The following ARFGEF3 variants were observed in gnomAD, a reference collection of about 807,000 sequenced individuals.
The protein encoded by ARFGEF3 is brefeldin A-inhibited guanine nucleotide-exchange protein 3.
In ARFGEF3, 96 loss-of-function variants were observed where a neutral mutation model predicts 221.7. That is an observed-to-expected ratio of 0.43 (90% confidence interval 0.37 to 0.51). The LOEUF (loss-of-function observed/expected upper bound fraction) is 0.51, where lower values mean the gene tolerates loss of function less well. Ranked by LOEUF, ARFGEF3 falls within the 20% of genes least tolerant of loss-of-function variation. The probability of loss-of-function intolerance (pLI) is 0.00; values close to 1 mark genes in which losing one functional copy is unlikely to be tolerated. For missense variants in ARFGEF3, 2,410 were observed against 2,789.9 expected (o/e 0.86, Z 3.07); for synonymous variants, 1,145 against 1,126.8 (o/e 1.02, Z -0.32).
chr6:138,322,317 C>T (rs1228306866), intron 29 of ARFGEF3, among the ~76,000 whole-genome samples: 3 of 152,156 alleles, frequency 2.0e-5, no homozygotes, highest in African/African-American at 7.2e-5. Context: ...TCATTATAAC[C>T]ATCAGATCTC....
intron 3 of ARFGEF3, among the ~76,000 whole-genome samples, chr6:138,207,539 A>G (rs1777646537): frequency 6.6e-6 from 1 of 152,148 alleles, no homozygotes; most frequent in Non-Finnish European, 1.5e-5. Context: ...TTTTTATTCC[A>G]CGGTTAGATT....
chr6:138,287,232 GCA>G (rs763270721), intron 17 of ARFGEF3, 48 bp downstream of exon 17: 1 of 1,359,688 alleles, frequency 7.4e-7, no homozygotes, highest in South Asian at 1.2e-5. Flanking sequence ...GGTGCAGTAT[GCA>G]CACACCTGCA....
intron 8 of ARFGEF3, among the ~76,000 whole-genome samples, chr6:138,253,326 AT>A (rs1778612743): frequency 6.6e-6 from 1 of 151,684 alleles, no homozygotes; most frequent in African/African-American, 2.4e-5. Context: ...AAAAAAAAAA[AT>A]CACCCCAACT....
rs904108472 is a variant in ARFGEF3 at position 138,292,060 on chromosome 6, G to A, written c.3368+7G>A. The A allele has an allele frequency of 5.9e-5, 83 of 1,411,392 alleles. No individual in the cohort carries two copies. The highest frequency in any genetic ancestry group is 1.5e-4 in the Admixed American group (5 of 34,360). 87.4% of individuals were successfully genotyped at this position (1,411,392 alleles called of 1,614,324 possible). On this transcript the variant is annotated splice_region_variant and intron_variant, in intron 19 of 33. Transcript: ENST00000251691. ...TCTCCACGCAAGCCGACAGGTGCGC[G>A]GCGCCGGCCTCCCACGCCCCGGGAG...
chr6:138,307,543 A>C, intron 23 of ARFGEF3, 146 bp downstream of exon 23: 1 of 762,386 alleles, frequency 1.3e-6, no homozygotes, highest in South Asian at 1.8e-5. Flanking sequence ...TAGCAGGAAC[A>C]TGAGTCCTGA....
At chr6:138,181,391 AT>A (rs1777077034) in intron 2 of ARFGEF3, among the ~76,000 whole-genome samples, 1 of 152,188 alleles carries the variant, frequency 6.6e-6, no homozygotes, top group Non-Finnish European at 1.5e-5. Flanking sequence ...ACTGAAAAAA[AT>A]AACAATCCAA....
At position 138,317,357 on chromosome 6, in the gene ARFGEF3, G is replaced by A. The variant is rs377036338; in HGVS notation, c.4452G>A (p.Leu1484=). Residue 1484 remains leucine (L), a synonymous_variant, in exon 27 of 34, where the codon TTG becomes TTA. Transcript: ENST00000251691. ...CTCTGGATTTACTCTTTGAGCTGTT[G>A]AGAGATGTGACGAAAACACCAGGTA... ...PPTLDLLFEL[L]RDVTKTPGPG... The A allele has an allele frequency of 3.5e-5, 56 of 1,613,992 alleles. No homozygotes were observed. The African/African-American group carries it at 6.1e-4, about 18-fold the overall frequency.
At chr6:138,278,711 C>T (rs561106587) in intron 13 of ARFGEF3, 94 bp downstream of exon 13, 30 of 1,375,540 alleles carry the variant, frequency 2.2e-5, no homozygotes, top group African/African-American at 4.3e-5. Context: ...GATGGCACAG[C>T]GTGTTTTGTT....
intron 14 of ARFGEF3, 81 bp downstream of exon 14, chr6:138,280,245 T>C (rs1779175063): frequency 1.4e-6 from 2 of 1,406,322 alleles, no homozygotes; most frequent in Admixed American, 4.1e-5. Context: ...AGAGAAGTGT[T>C]GGTGCTTGGA....
At chr6:138,227,823 T>A (rs895008844) in intron 4 of ARFGEF3, among the ~76,000 whole-genome samples, 16 of 152,150 alleles carry the variant, frequency 1.1e-4, no homozygotes, top group Admixed American at 2.0e-4. Flanking sequence ...GATGTGATAC[T>A]GAGTACTTTA....
chr6:138,303,719 T>A (rs1478255627), intron 22 of ARFGEF3, among the ~76,000 whole-genome samples: 1 of 151,698 alleles, frequency 6.6e-6, no homozygotes, highest in African/African-American at 2.4e-5. Flanking sequence ...GGAGAATCAC[T>A]TGAACCCAGG....
In ARFGEF3 at chr6:138,263,413, C is replaced by T. The variant is rs758460913; in HGVS notation, c.1930C>T (p.Pro644Ser). 9 of 1,614,004 alleles carry T rather than the reference C, an allele frequency of 5.6e-6. No individual in the cohort carries two copies. The East Asian group carries it at 2.0e-4, about 36-fold the overall frequency. Residue 644 changes from proline (P) to serine (S), a missense_variant, in exon 12 of 34, where the codon CCC (proline) becomes TCC (serine). Transcript: ENST00000251691. ...TTCACTAGCCGATGAAGAGCAGACACCCCGGGACTGCCTAGGCCACCGGTC... is the reference window on the plus strand; with the variant it reads ...TTCACTAGCCGATGAAGAGCAGACATCCCGGGACTGCCTAGGCCACCGGTC... Reference protein sequence around the residue: ...NCSLADEEQTPRDCLGHRSLR... With the variant: ...NCSLADEEQTSRDCLGHRSLR...
intron 12 of ARFGEF3, among the ~76,000 whole-genome samples, chr6:138,276,875 A>G (rs567888797): frequency 3.4e-4 from 52 of 152,212 alleles, no homozygotes; most frequent in Non-Finnish European, 6.2e-4. Flanking sequence ...CCTCTTGGGC[A>G]GGATGGTCTG....
chr6:138,312,953 G>T (rs1344251055), intron 25 of ARFGEF3, among the ~76,000 whole-genome samples: 1 of 152,072 alleles, frequency 6.6e-6, no homozygotes, highest in Non-Finnish European at 1.5e-5. Flanking sequence ...CAAGTGATCC[G>T]CCAGCCTCGG....
rs745564680 is a variant in ARFGEF3, at chr6:138,307,233, A to T, written c.3829-20A>T. 3 of 1,610,866 alleles carry T rather than the reference A, an allele frequency of 1.9e-6. No individual in the cohort carries two copies. In the South Asian group the frequency reaches 3.3e-5, roughly 18 times the overall value. ...TTTTAAGGAGAGGGCTTTAAGTGCC[A>T]CTTGCTTTGCCTCTACCAGGTTGTC... On this transcript the variant is annotated intron_variant, in intron 22 of 33. Transcript: ENST00000251691.
chr6:138,230,139 G>C (rs6925967), intron 5 of ARFGEF3, among the ~76,000 whole-genome samples: 2 of 152,084 alleles, frequency 1.3e-5, no homozygotes, highest in Non-Finnish European at 2.9e-5. Flanking sequence ...CCACCCAGGC[G>C]TATTGCTTTC....
chr6:138,260,267 GA>G (rs1442562148), intron 10 of ARFGEF3, among the ~76,000 whole-genome samples: 1 of 152,196 alleles, frequency 6.6e-6, no homozygotes, highest in African/African-American at 2.4e-5. Flanking sequence ...AAGAAATATG[GA>G]AAGAGGAAAA....
chr6:138,179,947 C>G (rs961740113), intron 2 of ARFGEF3, among the ~76,000 whole-genome samples: 11 of 152,158 alleles, frequency 7.2e-5, no homozygotes, highest in African/African-American at 2.2e-4. Flanking sequence ...GTAGCTAGGA[C>G]TACAGGTGTA....
At chr6:138,229,951 CCTT>C in intron 5 of ARFGEF3, 99 bp downstream of exon 5, 1 of 969,084 alleles carries the variant, frequency 1.0e-6, no homozygotes, top group Non-Finnish European at 1.6e-6. Context: ...TGGAGTGAAT[CCTT>C]CTCTGATTAC....
Sources: gnomAD v4.1 joint callset for allele counts (sites outside exome capture counted in the v4.1 genomes callset) on GRCh38, gnomAD v4.1.1 for gene constraint, MANE v1.5 for transcripts, NCBI Gene and HGNC (gene_info 2026-07-23, HGNC 2026-07-21) for gene names.